Variants in NRG3 observed in about 807,000 individuals in gnomAD.
NRG3 encodes neuregulin 3, also known as pro-neuregulin-3, membrane-bound isoform.
NRG3 carries 31 observed loss-of-function variants against 66.9 expected under a neutral mutation model. The ratio of observed to expected loss-of-function variants is 0.46; its 90% CI spans 0.35 to 0.63. The LOEUF is 0.63. Ranked by LOEUF, NRG3 falls within the 20% of genes least tolerant of loss-of-function variation. The pLI is 0.00. For missense variants in NRG3, 910 were observed against 878.9 expected (o/e 1.04, Z -0.45); for synonymous variants, 393 against 359.4 (o/e 1.09, Z -1.06).
At chr10:82,643,549 A>G (rs2050724913) in intron 2 of NRG3, among the ~76,000 whole-genome samples, 1 of 152,102 alleles carries the variant, frequency 6.6e-6, no homozygotes, top group African/African-American at 2.4e-5. Context: ...GATTAATAAT[A>G]TATTATTGCT....
intron 2 of NRG3, among the ~76,000 whole-genome samples, chr10:82,698,801 G>GC (rs201099113): frequency 1.0e-5 from 1 of 95,574 alleles, no homozygotes; most frequent in East Asian, 4.4e-4. Context: ...CAATGTATTT[G>GC]CGTCAGTACT....
chr10:82,860,010 G>T (rs992075389), intron 3 of NRG3, among the ~76,000 whole-genome samples: 1 of 152,094 alleles, frequency 6.6e-6, no homozygotes, highest in Admixed American at 6.5e-5. Context: ...CAGAGCTGCT[G>T]GCATTTATTA....
intron 1 of NRG3, among the ~76,000 whole-genome samples, chr10:81,950,759 T>C (rs1849276437): frequency 6.6e-6 from 1 of 152,230 alleles, no homozygotes; most frequent in South Asian, 2.1e-4. Flanking sequence ...AATTATATTC[T>C]TTGCTGTCCC....
At chr10:82,704,936 C>T (rs969238101) in intron 2 of NRG3, among the ~76,000 whole-genome samples, 1 of 152,160 alleles carries the variant, frequency 6.6e-6, no homozygotes, top group Non-Finnish European at 1.5e-5. Flanking sequence ...GCAGGTTGGA[C>T]ACATACACCT....
At chr10:82,960,997 C>T (rs773614205) in intron 6 of NRG3, among the ~76,000 whole-genome samples, 3 of 152,092 alleles carry the variant, frequency 2.0e-5, no homozygotes, top group Non-Finnish European at 4.4e-5. Flanking sequence ...TTCACACAGA[C>T]GCAAGTGAAA....
intron 1 of NRG3, among the ~76,000 whole-genome samples, chr10:82,028,942 C>T (rs1451682198): frequency 1.3e-5 from 2 of 152,212 alleles, no homozygotes; most frequent in South Asian, 2.1e-4. Context: ...GGTGCGGTGG[C>T]TCACACCTGT....
At chr10:82,170,654 GTA>G (rs370773918) in intron 1 of NRG3, among the ~76,000 whole-genome samples, 7,782 of 73,438 alleles carry the variant, frequency 0.11, 495 homozygotes, top group Non-Finnish European at 0.12. Context: ...AAAACTTGTG[GTA>G]TATATATATA....
chr10:82,216,850 G>A (rs932246886), intron 1 of NRG3, among the ~76,000 whole-genome samples: 2 of 151,938 alleles, frequency 1.3e-5, no homozygotes, highest in Admixed American at 6.6e-5. Flanking sequence ...CAAGTATAGC[G>A]AGTTAATGCT....
intron 3 of NRG3, among the ~76,000 whole-genome samples, chr10:82,778,606 A>G (rs1248489465): frequency 2.0e-5 from 3 of 152,184 alleles, no homozygotes; most frequent in African/African-American, 7.2e-5. Flanking sequence ...GAGGATTACA[A>G]TTCAAGATGA....
chr10:82,531,149 G>T (rs140252626), intron 2 of NRG3, among the ~76,000 whole-genome samples: 1 of 151,010 alleles, frequency 6.6e-6, no homozygotes, highest in African/African-American at 2.4e-5. Context: ...AAGACATTAT[G>T]GTCTATACAA....
At chr10:82,489,820 C>G in intron 2 of NRG3, among the ~76,000 whole-genome samples, 1 of 152,106 alleles carries the variant, frequency 6.6e-6, no homozygotes, top group African/African-American at 2.4e-5. Context: ...GATGAAGATG[C>G]TAGGACTTAA....
intron 2 of NRG3, among the ~76,000 whole-genome samples, chr10:82,472,587 A>C (rs369144629): frequency 3.9e-5 from 6 of 152,300 alleles, no homozygotes; most frequent in African/African-American, 1.4e-4. Flanking sequence ...AATAATGTGC[A>C]TTTCTACTTG....
chr10:82,519,766 T>C (rs1008608897), intron 2 of NRG3, among the ~76,000 whole-genome samples: 1 of 152,144 alleles, frequency 6.6e-6, no homozygotes, highest in African/African-American at 2.4e-5. Flanking sequence ...GAGTGTCAGG[T>C]CCATGGGGGA....
chr10:82,847,614 A>T (rs1354435810), intron 3 of NRG3, among the ~76,000 whole-genome samples: 1 of 152,152 alleles, frequency 6.6e-6, no homozygotes, highest in Non-Finnish European at 1.5e-5. Context: ...ATATTTTCAG[A>T]TGGTAATTTT....
At chr10:82,486,362 C>A (rs1411488459) in intron 2 of NRG3, among the ~76,000 whole-genome samples, 1 of 151,924 alleles carries the variant, frequency 6.6e-6, no homozygotes, top group Admixed American at 6.6e-5. Flanking sequence ...TAGAAAAAGC[C>A]TAAATGTCCA....
chr10:81,969,978 G>A (rs2059869724), intron 1 of NRG3, among the ~76,000 whole-genome samples: 1 of 151,966 alleles, frequency 6.6e-6, no homozygotes, highest in Non-Finnish European at 1.5e-5. Flanking sequence ...TTTTAGAGGA[G>A]ACTCCGATTT....
rs1190219956 is a variant in NRG3, at chr10:82,702,197, A to AAACTAT, written c.954-36380_954-36379insAACTAT. ...TAAATACTTGGCGATTTCCTTGTGG[A>AAACTAT]TTCCAATAGTTTCTCTTGTCACACA... On this transcript the variant is annotated intron_variant, in intron 2 of 8. Transcript: ENST00000372141. Among the ~76,000 whole-genome samples the AAACTAT allele has an allele frequency of 2.0e-5, 3 of 152,304 alleles. No homozygotes were observed. In the East Asian group the frequency reaches 5.8e-4, roughly 29 times the overall value.
chr10:81,956,827 C>T (rs1030333507), intron 1 of NRG3, among the ~76,000 whole-genome samples: 5 of 152,120 alleles, frequency 3.3e-5, no homozygotes, highest in African/African-American at 4.8e-5. Flanking sequence ...CTCACTATCC[C>T]CTATTAGGCC....
chr10:82,039,443 G>C (rs1436674164), intron 1 of NRG3, among the ~76,000 whole-genome samples: 1 of 152,112 alleles, frequency 6.6e-6, no homozygotes, highest in Non-Finnish European at 1.5e-5. Flanking sequence ...GGGGATAGTA[G>C]TAAATATTAT....
Sources: allele counts gnomAD v4.1 joint callset (sites outside exome capture counted in the v4.1 genomes callset), GRCh38; gene constraint gnomAD v4.1.1; transcripts MANE v1.5; gene names NCBI Gene and HGNC (gene_info 2026-07-23, HGNC 2026-07-21).